The following SLC39A11 variants were observed in gnomAD, a reference collection of about 807,000 sequenced individuals.
The protein encoded by SLC39A11 is zinc transporter ZIP11.
In SLC39A11, 33 loss-of-function variants were observed where a neutral mutation model predicts 36.1. That is an observed-to-expected ratio of 0.91 (90% CI 0.69 to 1.22). The LOEUF (loss-of-function observed/expected upper bound fraction) is 1.22, where lower values mean the gene tolerates loss of function less well. Among genes scored for constraint, SLC39A11 ranks in the 50% most tolerant of loss-of-function variants. The pLI, the probability that SLC39A11 is intolerant of heterozygous loss-of-function variation, is 0.00. For synonymous variants in SLC39A11, 166 were observed against 170.3 expected, an observed-to-expected ratio of 0.97 and a Z score of 0.20; for missense variants, 432 against 430.3, an observed-to-expected ratio of 1.00 and a Z score of -0.03.
At chr17:72,730,810 C>A (rs1413334911) in intron 7 of SLC39A11, among the ~76,000 whole-genome samples, 2 of 152,164 alleles carry the variant, frequency 1.3e-5, no homozygotes, top group Non-Finnish European at 2.9e-5. Context: ...CAGATGCACA[C>A]CATGATGCCT....
intron 3 of SLC39A11, among the ~76,000 whole-genome samples, chr17:73,056,961 A>AT (rs895147852): frequency 6.6e-6 from 1 of 151,854 alleles, no homozygotes; most frequent in East Asian, 1.9e-4. Flanking sequence ...AATGGGATGC[A>AT]TTTTTTTTCT....
intron 5 of SLC39A11, among the ~76,000 whole-genome samples, chr17:72,913,918 T>C (rs1358566304): frequency 6.6e-6 from 1 of 151,654 alleles, no homozygotes; most frequent in Non-Finnish European, 1.5e-5. Context: ...AAAGTTAAAA[T>C]ATGCAGTTGC....
At chr17:72,946,458 T>A (rs2085435707) in intron 5 of SLC39A11, among the ~76,000 whole-genome samples, 1 of 152,072 alleles carries the variant, frequency 6.6e-6, no homozygotes, top group South Asian at 2.1e-4. Context: ...GTACATTTGC[T>A]CTCCCTAAGG....
At chr17:72,882,889 C>T (rs1371476588) in intron 5 of SLC39A11, among the ~76,000 whole-genome samples, 3 of 150,138 alleles carry the variant, frequency 2.0e-5, no homozygotes. Context: ...CTCTGTCTCC[C>T]AGGTTCAAGC....
intron 6 of SLC39A11, among the ~76,000 whole-genome samples, chr17:72,790,809 A>T (rs1468240004): frequency 6.6e-6 from 1 of 152,208 alleles, no homozygotes; most frequent in African/African-American, 2.4e-5. Context: ...CTGGGATTAC[A>T]GGTGTAAGCC....
chr17:72,956,223 C>T (rs968032773), intron 4 of SLC39A11, among the ~76,000 whole-genome samples: 1 of 152,212 alleles, frequency 6.6e-6, no homozygotes, highest in Non-Finnish European at 1.5e-5. Context: ...ATTTAAGCTA[C>T]ATAAGTACGC....
chr17:72,734,592 G>A (rs1218140375), intron 7 of SLC39A11, among the ~76,000 whole-genome samples: 5 of 152,208 alleles, frequency 3.3e-5, no homozygotes, highest in East Asian at 1.9e-4. Context: ...TGTTTGGTCC[G>A]GGGAAGGGAG....
chr17:72,919,239 G>C lies in SLC39A11; in HGVS notation c.430+28513C>G, dbSNP rs549071040. ...GCATAGAAGAGTGTGCCGAAAGACAGTCTCTGCCCACTCTTGCTGATAATA... is the reference window on the plus strand; with the variant it reads ...GCATAGAAGAGTGTGCCGAAAGACACTCTCTGCCCACTCTTGCTGATAATA... On this transcript the variant is annotated intron_variant, in intron 5 of 9. Transcript: ENST00000255559. Among the ~76,000 whole-genome samples the C allele has an allele frequency of 5.9e-5, 9 of 151,776 alleles. No individual in the cohort carries two copies. The South Asian group carries it at 1.7e-3, about 28-fold the overall frequency.
At chr17:72,918,062 T>C (rs1357676392) in intron 5 of SLC39A11, among the ~76,000 whole-genome samples, 1 of 152,260 alleles carries the variant, frequency 6.6e-6, no homozygotes, top group East Asian at 1.9e-4. Flanking sequence ...GTGGGCCATC[T>C]GGTGCTTATT....
chr17:72,947,615 G>C, intron 5 of SLC39A11, 137 bp downstream of exon 5: 1 of 1,263,908 alleles, frequency 7.9e-7, no homozygotes, highest in Non-Finnish European at 1.1e-6. Context: ...GCAGTAGTAG[G>C]GTGAGTGATT....
At chr17:73,074,423 G>A (rs569340720) in intron 3 of SLC39A11, among the ~76,000 whole-genome samples, 11 of 151,544 alleles carry the variant, frequency 7.3e-5, no homozygotes, top group East Asian at 2.0e-4. Flanking sequence ...TCAGCCTCCC[G>A]AGTAGCTGGG....
rs151228960 is a variant in SLC39A11, at chr17:73,049,058, T to C, written c.148-17344A>G. On this transcript the variant is annotated intron_variant, in intron 3 of 9. Transcript: ENST00000255559. ...TAAGTTTCAGTCCAATTCAATGCTA[T>C]GTATAAGTGAGCTGCTATTTGTACA... 9.7e-4 allele frequency among the ~76,000 whole-genome samples: 148 copies of C among 152,262 alleles called. 1 individual carries two copies. In the East Asian group the frequency reaches 0.018, roughly 19 times the overall value.
chr17:72,772,954 C>T (rs1016594408), intron 6 of SLC39A11, among the ~76,000 whole-genome samples: 32 of 152,036 alleles, frequency 2.1e-4, no homozygotes, highest in Non-Finnish European at 3.5e-4. Context: ...GGCATGGTGG[C>T]GAGTGCCTGT....
intron 7 of SLC39A11, among the ~76,000 whole-genome samples, chr17:72,703,265 C>T (rs766892469): frequency 6.6e-6 from 1 of 152,170 alleles, no homozygotes; most frequent in Non-Finnish European, 1.5e-5. Flanking sequence ...GCGAGAAAGA[C>T]AGCAACATAA....
At position 72,820,754 on chromosome 17, in the gene SLC39A11, C is replaced by T. The variant is rs528262257; in HGVS notation, c.601+28880G>A. On this transcript the variant is annotated intron_variant, in intron 6 of 9. Coordinates refer to ENST00000255559, the MANE Select transcript of SLC39A11 (RefSeq NM_139177.4). Reference sequence around the variant, plus strand: ...AAGATGCCCTGGAGCTGGGTGCTAACGGGCGGGCAGAAGCCGGCCAGGTGA... The same window carrying T: ...AAGATGCCCTGGAGCTGGGTGCTAATGGGCGGGCAGAAGCCGGCCAGGTGA... Among the ~76,000 whole-genome samples, 34 of 150,822 alleles carry T rather than the reference C, an allele frequency of 2.3e-4. 1 individual carries two copies. Among genetic ancestry groups the T allele is most frequent in the Non-Finnish European group, 4.0e-4 (27 of 67,370 alleles).
chr17:73,065,855 T>C (rs1277795536), intron 3 of SLC39A11, among the ~76,000 whole-genome samples: 1 of 152,196 alleles, frequency 6.6e-6, no homozygotes, highest in African/African-American at 2.4e-5. Flanking sequence ...CAGCATTTCT[T>C]CTCACTGGAT....
rs138346785 is a variant in SLC39A11 at position 72,802,463 on chromosome 17, G to A, written c.601+47171C>T. Among the ~76,000 whole-genome samples the A allele has an allele frequency of 6.4e-3, 978 of 151,932 alleles. 11 individuals are homozygous for A. The highest frequency in any genetic ancestry group is 0.021 in the African/African-American group (888 of 41,430). ...AAATTAGCTGGGCACGGTGGCGGGC[G>A]CCTGTAATCCCAGCTACTTGGGAGG... On this transcript the variant is annotated intron_variant, in intron 6 of 9. Transcript: ENST00000255559.
At chr17:72,945,082 TGAAA>T (rs2085354318) in intron 5 of SLC39A11, among the ~76,000 whole-genome samples, 1 of 151,534 alleles carries the variant, frequency 6.6e-6, no homozygotes, top group Non-Finnish European at 1.5e-5. Flanking sequence ...GGAGAGAGAA[TGAAA>T]GAAAGAGAGA....
intron 6 of SLC39A11, among the ~76,000 whole-genome samples, chr17:72,800,336 A>C (rs1598788431): frequency 8.5e-6 from 1 of 117,072 alleles, no homozygotes; most frequent in Admixed American, 1.1e-4. Flanking sequence ...TTTGAGATGG[A>C]GTCTTGCCCT....
Sources: gnomAD v4.1 joint callset for allele counts (sites outside exome capture counted in the v4.1 genomes callset) on GRCh38, gnomAD v4.1.1 for gene constraint, MANE v1.5 for transcripts, NCBI Gene and HGNC (gene_info 2026-07-23, HGNC 2026-07-21) for gene names.